Variants in UTP14C observed in about 807,000 individuals in gnomAD.
UTP14C encodes U3 small nucleolar RNA-associated protein 14 homolog C.
A neutral mutation model predicts 14.6 loss-of-function variants in UTP14C; 10 were observed. That is an observed-to-expected ratio of 0.68 (90% CI 0.42 to 1.16). The LOEUF (loss-of-function observed/expected upper bound fraction) is 1.16, where lower values mean the gene tolerates loss of function less well. UTP14C is among the 50% of genes most tolerant of loss of function. The probability of loss-of-function intolerance (pLI) is 0.00; values close to 1 mark genes in which losing one functional copy is unlikely to be tolerated. For synonymous variants in UTP14C, 315 were observed against 331.6 expected, an observed-to-expected ratio of 0.95 and a Z score of 0.54; for missense variants, 818 against 890.8, an observed-to-expected ratio of 0.92 and a Z score of 1.04.
chr13:52,029,386 C>CA lies in UTP14C; in HGVS notation c.584dup (p.Gln196AlafsTer42). On this transcript the variant is annotated frameshift_variant, in exon 2 of 2. Coordinates refer to ENST00000521776, the MANE Select transcript of UTP14C (RefSeq NM_021645.6). LOFTEE classifies it low-confidence loss of function (END_TRUNC). ...AAATTTTTAACCTCCTCCATAAGAA[C>CA]AAGCAGCCAGTGACAGATCCTTTAC... 6.2e-7 allele frequency: 1 copy of CA among 1,614,146 alleles called. No homozygotes were observed. Among genetic ancestry groups the CA allele is most frequent in the East Asian group, 2.2e-5 (1 of 44,858 alleles).
chr13:52,028,699 A>AACAG lies in UTP14C; in HGVS notation c.-102_-99dup. On this transcript the variant is annotated 5_prime_UTR_variant, in exon 2 of 2. Coordinates refer to ENST00000521776, the MANE Select transcript of UTP14C (RefSeq NM_021645.6). ...TTTGTCAAATCATTTTACTTTAGAA[A>AACAG]ACAGACAAAATTTCCTTTTAGAATA... 6.4e-7 allele frequency: 1 copy of AACAG among 1,573,908 alleles called. No individual in the cohort carries two copies. Among genetic ancestry groups the AACAG allele is most frequent in the Non-Finnish European group, 8.7e-7 (1 of 1,153,242 alleles).
Position 52,028,896 on chromosome 13 carries a change from A to T in UTP14C, c.92A>T (p.Glu31Val), listed in dbSNP as rs1566710807. 9 of 1,614,136 alleles carry T rather than the reference A, an allele frequency of 5.6e-6. No homozygotes were observed. Among genetic ancestry groups the T allele is most frequent in the African/African-American group, 1.3e-5 (1 of 74,942 alleles). ...LPKNYPLSEN[E>V]DEGDSDGERK... The stretch of plus-strand genomic sequence containing the variant: ...AAAAACTACCCCTTGAGTGAAAATG[A>T]AGATGAGGGGGACAGTGATGGAGAG... The change falls in exon 2 of 2, where the codon GAA becomes GTA. Residue 31 changes from glutamate to valine, a missense_variant. Transcript: ENST00000521776.
chr13:52,030,608 G>A lies in UTP14C; in HGVS notation c.1804G>A (p.Asp602Asn). ...GATAAAGGAAGCTTTTGCTGGGGAT[G>A]ATGTCATCAGAGATTTCTTGAAAGA... is the stretch of plus-strand genomic sequence containing the variant. ...QMIKEAFAGDDVIRDFLKEKR... is the reference protein window; with the variant it reads ...QMIKEAFAGDNVIRDFLKEKR... Residue 602 changes from aspartate to asparagine, a missense_variant, in exon 2 of 2, where the codon GAT (aspartate) becomes AAT (asparagine). Asp to Asn is a conservative substitution (Grantham distance 23, BLOSUM62 1). Transcript: ENST00000521776. 6.2e-7 allele frequency: 1 copy of A among 1,614,202 alleles called. No homozygotes were observed. Among genetic ancestry groups the A allele is most frequent in the Admixed American group, 1.7e-5 (1 of 60,026 alleles).
rs1444571733 is a variant in UTP14C, at chr13:52,032,420, G to A, written c.*1315G>A. On this transcript the variant is annotated 3_prime_UTR_variant, in exon 2 of 2. Coordinates refer to ENST00000521776, the MANE Select transcript of UTP14C (RefSeq NM_021645.6). ...CTAGCATGGAAAAGTGAATATATGT[G>A]TGAGCAGATATGGCTATAAAGACCT... 6.0e-6 allele frequency: 1 copy of A among 167,050 alleles called. No homozygotes were observed. The highest frequency in any genetic ancestry group is 1.5e-5 in the Non-Finnish European group (1 of 68,126). The allele number at this position is 167,050 out of a possible 1,614,324, so 10.3% of individuals were successfully genotyped here. A position where few individuals can be genotyped will look rare whatever the true frequency, so the allele number is the denominator to read the frequency against.
rs776477871 is a variant in UTP14C, at chr13:52,029,701, A to C, written c.897A>C (p.Gln299His). The change falls in exon 2 of 2, where the codon CAA (glutamine) becomes CAC (histidine). Residue 299 changes from glutamine to histidine, a missense_variant. Gln to His is a conservative substitution (Grantham distance 24, BLOSUM62 0). Coordinates refer to ENST00000521776, the MANE Select transcript of UTP14C (RefSeq NM_021645.6). ...RMMERMSLKH[Q>H]NSGKWAKSKA... is the part of the protein sequence containing the mutation. ...TGGAAAGAATGAGCCTTAAGCACCA[A>C]AACAGTGGGAAATGGGCCAAGTCAA... 7.4e-6 allele frequency: 12 copies of C among 1,614,100 alleles called. No individual in the cohort carries two copies. Among genetic ancestry groups the C allele is most frequent in the African/African-American group, 1.3e-5 (1 of 74,928 alleles).
intron 1 of UTP14C, among the ~76,000 whole-genome samples, chr13:52,027,521 C>G (rs145938843): frequency 1.6e-3 from 237 of 152,342 alleles, no homozygotes; most frequent in African/African-American, 4.9e-3. Flanking sequence ...GATATCAGCT[C>G]TGTACCATCC....
At position 52,030,894 on chromosome 13, in the gene UTP14C, C is replaced by T. The variant is rs1423368301; in HGVS notation, c.2090C>T (p.Thr697Ile). Reference sequence around the variant, plus strand: ...ACCCACCATCGGCAATTTGAAAGGACCATCCAGACCCCTATAGGATCCACA... The same window carrying T: ...ACCCACCATCGGCAATTTGAAAGGATCATCCAGACCCCTATAGGATCCACA... ...PFTHHRQFERTIQTPIGSTWN... is the reference protein window; with the variant it reads ...PFTHHRQFERIIQTPIGSTWN... The change falls in exon 2 of 2, where the codon ACC becomes ATC. Residue 697 changes from threonine to isoleucine, a missense_variant. By Grantham distance (89) the Thr-to-Ile change is moderately conservative (BLOSUM62 -1). Coordinates refer to ENST00000521776, the MANE Select transcript of UTP14C (RefSeq NM_021645.6). 6.2e-7 allele frequency: 1 copy of T among 1,614,046 alleles called. No individual in the cohort carries two copies. The highest frequency in any genetic ancestry group is 1.3e-5 in the African/African-American group (1 of 74,918).
Position 52,029,073 on chromosome 13 carries a change from T to A in UTP14C, c.269T>A (p.Leu90His). Residue 90 changes from leucine to histidine, a missense_variant, in exon 2 of 2, where the codon CTT (leucine) becomes CAT (histidine). Transcript: ENST00000521776. ...SGEKLGLADL[L>H]EPVKTSSSLA... ...GAAAAGCTGGGCCTTGCAGATCTGC[T>A]TGAGCCCGTTAAAACTTCATCTTCT... is the stretch of plus-strand genomic sequence containing the variant. The A allele has an allele frequency of 6.2e-7, 1 of 1,614,272 alleles. No homozygotes were observed. The highest frequency in any genetic ancestry group is 8.5e-7 in the Non-Finnish European group (1 of 1,180,054).
rs775162593 is a variant in UTP14C, at chr13:52,029,616, A to C, written c.812A>C (p.Gln271Pro). 1 of 1,614,120 alleles carries C rather than the reference A, an allele frequency of 6.2e-7. No homozygotes were observed. The highest frequency in any genetic ancestry group is 1.3e-5 in the African/African-American group (1 of 74,944). ...KKALKEFEQLQKVNPTVALEE... is the reference protein window; with the variant it reads ...KKALKEFEQLPKVNPTVALEE... ...GCCTTAAAAGAGTTTGAGCAGCTAC[A>C]GAAGGTTAATCCAACTGTGGCACTG... Residue 271 changes from glutamine to proline, a missense_variant, in exon 2 of 2, where the codon CAG (glutamine) becomes CCG (proline). Gln to Pro is a moderately conservative substitution (Grantham distance 76). Coordinates refer to ENST00000521776, the MANE Select transcript of UTP14C (RefSeq NM_021645.6).
chr13:52,028,676 T>C lies in UTP14C; in HGVS notation c.-129T>C, dbSNP rs1181413987. 2 of 1,559,610 alleles carry C rather than the reference T, an allele frequency of 1.3e-6. No homozygotes were observed. Among genetic ancestry groups the C allele is most frequent in the South Asian group, 2.3e-5 (2 of 87,726 alleles). ...ATATTTTTCTAAATTCAATCTCATT[T>C]GTCAAATCATTTTACTTTAGAAAAC... is the stretch of plus-strand genomic sequence containing the variant. On this transcript the variant is annotated 5_prime_UTR_variant, in exon 2 of 2. Coordinates refer to ENST00000521776, the MANE Select transcript of UTP14C (RefSeq NM_021645.6).
Position 52,029,124 on chromosome 13 carries a change from A to AAT in UTP14C, c.320_321insAT (p.Asn107LysfsTer26). The AAT allele has an allele frequency of 6.2e-7, 1 of 1,614,246 alleles. No individual in the cohort carries two copies. Among genetic ancestry groups the AAT allele is most frequent in the Non-Finnish European group, 8.5e-7 (1 of 1,180,046 alleles). On this transcript the variant is annotated frameshift_variant, in exon 2 of 2. Transcript: ENST00000521776. LOFTEE classifies it low-confidence loss of function (END_TRUNC). ...TTGGCCACTGTAAAAAAGCAACTGA[A>AAT]TAGAGTCAAATCAAAGAAGGTGGTG...
chr13:52,032,553 A>G lies in UTP14C; in HGVS notation c.*1448A>G, dbSNP rs766691721. The G allele has an allele frequency of 4.8e-5, 8 of 167,040 alleles. No individual in the cohort carries two copies. The highest frequency in any genetic ancestry group is 6.5e-5 in the Admixed American group (1 of 15,288). 10.3% of individuals were successfully genotyped at this position (167,040 alleles called of 1,614,324 possible). On this transcript the variant is annotated 3_prime_UTR_variant, in exon 2 of 2. Transcript: ENST00000521776. ...TGTTAAGGGGCAAATGAAACGGTATATTATTTCTTTGCAGTCTCCTCTCAG... is the reference window on the plus strand; with the variant it reads ...TGTTAAGGGGCAAATGAAACGGTATGTTATTTCTTTGCAGTCTCCTCTCAG...
At position 52,031,472 on chromosome 13, in the gene UTP14C, G is replaced by C. The variant is rs1231316337; in HGVS notation, c.*367G>C. ...TATAGGTGTGTGTAGGGTGGTAGAG[G>C]CCAAGGTGCTGCCAGCAATCCTTTC... is the stretch of plus-strand genomic sequence containing the variant. On this transcript the variant is annotated 3_prime_UTR_variant, in exon 2 of 2. Transcript: ENST00000521776. 2 of 204,322 alleles carry C rather than the reference G, an allele frequency of 9.8e-6. No homozygotes were observed. The highest frequency in any genetic ancestry group is 1.3e-4 in the East Asian group (1 of 7,778). The allele number at this position is 204,322 out of a possible 1,614,324, so 12.7% of individuals were successfully genotyped here. A position where few individuals can be genotyped will look rare whatever the true frequency, so the allele number is the denominator to read the frequency against.
At position 52,032,521 on chromosome 13, in the gene UTP14C, A is replaced by G. The variant is rs1954315851; in HGVS notation, c.*1416A>G. 2 of 167,104 alleles carry G rather than the reference A, an allele frequency of 1.2e-5. No individual in the cohort carries two copies. Among genetic ancestry groups the G allele is most frequent in the Non-Finnish European group, 2.9e-5 (2 of 68,126 alleles). 10.4% of individuals were successfully genotyped at this position (167,104 alleles called of 1,614,324 possible). Reference sequence around the variant, plus strand: ...ATTGACCCCATCCACAGGCTGATTCATCTTTGTGTTAAGGGGCAAATGAAA... The same window carrying G: ...ATTGACCCCATCCACAGGCTGATTCGTCTTTGTGTTAAGGGGCAAATGAAA... On this transcript the variant is annotated 3_prime_UTR_variant, in exon 2 of 2. Transcript: ENST00000521776.
rs776477871 is a variant in UTP14C at position 52,029,701 on chromosome 13, A to G, written c.897A>G (p.Gln299=). ...RMMERMSLKH[Q]NSGKWAKSKA... ...TGGAAAGAATGAGCCTTAAGCACCA[A>G]AACAGTGGGAAATGGGCCAAGTCAA... Residue 299 remains glutamine (Q), a synonymous_variant, in exon 2 of 2, where the codon CAA becomes CAG. Transcript: ENST00000521776. The G allele has an allele frequency of 2.5e-6, 4 of 1,614,218 alleles. No individual in the cohort carries two copies. The highest frequency in any genetic ancestry group is 3.4e-6 in the Non-Finnish European group (4 of 1,180,036).
chr13:52,025,537 T>C (rs1219969076), intron 1 of UTP14C, among the ~76,000 whole-genome samples: 2 of 152,194 alleles, frequency 1.3e-5, no homozygotes, highest in Admixed American at 6.5e-5. Flanking sequence ...ACAGTAACTC[T>C]TTTAGTCTTT....
At chr13:52,028,233 A>AT (rs1954260478) in intron 1 of UTP14C, 86 bp from the exon 2 acceptor site, 2 of 1,541,832 alleles carry the variant, frequency 1.3e-6, no homozygotes, top group African/African-American at 1.4e-5. Context: ...AGTCCCTTAA[A>AT]TTTTTTGAAG....
At chr13:52,028,209 T>C in intron 1 of UTP14C, 110 bp from the exon 2 acceptor site, 2 of 1,275,606 alleles carry the variant, frequency 1.6e-6, no homozygotes, top group Non-Finnish European at 2.2e-6. Flanking sequence ...ATACATTTAA[T>C]TAAGTTTCTC....
chr13:52,028,753 A>T lies in UTP14C; in HGVS notation c.-52A>T. 6.2e-7 allele frequency: 1 copy of T among 1,612,764 alleles called. No individual in the cohort carries two copies. Among genetic ancestry groups the T allele is most frequent in the Middle Eastern group, 1.7e-4 (1 of 6,026 alleles). ...GGAAGTGTTGAAAAGAAAATGGATGACTAGCCTTCGGCTTCCATTCTTGGT... is the reference window on the plus strand; with the variant it reads ...GGAAGTGTTGAAAAGAAAATGGATGTCTAGCCTTCGGCTTCCATTCTTGGT... On this transcript the variant is annotated 5_prime_UTR_variant, in exon 2 of 2. Transcript: ENST00000521776.
Sources: allele counts gnomAD v4.1 joint callset (sites outside exome capture counted in the v4.1 genomes callset), GRCh38; gene constraint gnomAD v4.1.1; transcripts MANE v1.5; gene names NCBI Gene and HGNC (gene_info 2026-07-23, HGNC 2026-07-21).